The following CNBD1 variants were observed in gnomAD, a reference collection of about 807,000 sequenced individuals.
The protein encoded by CNBD1 is cyclic nucleotide-binding domain-containing protein 1.
Under a neutral mutation model 54.4 loss-of-function variants are expected in CNBD1, and 71 were observed. The ratio of observed to expected loss-of-function variants is 1.30; its 90% CI spans 1.08 to 1.59. The LOEUF is 1.59. CNBD1 is among the 40% of genes most tolerant of loss of function. The pLI is 0.00. For missense variants in CNBD1, 659 were observed against 518.0 expected (o/e 1.27, Z -2.64); for synonymous variants, 182 against 170.7 (o/e 1.07, Z -0.51).
chr8:87,403,603 G>T (rs1281322806), intron 2 of CNBD1, among the ~76,000 whole-genome samples: 1 of 151,904 alleles, frequency 6.6e-6, no homozygotes, highest in East Asian at 1.9e-4. Flanking sequence ...TATATAAAAT[G>T]TGGCTTAATC....
At chr8:87,030,542 C>CT (rs1468957171) in intron 4 of CNBD1, among the ~76,000 whole-genome samples, 5 of 152,054 alleles carry the variant, frequency 3.3e-5, no homozygotes, top group East Asian at 1.9e-4. Flanking sequence ...TCCTTTTGCT[C>CT]TTTTTTTAAT....
At chr8:87,169,611 C>A (rs555324686) in intron 4 of CNBD1, among the ~76,000 whole-genome samples, 1 of 152,180 alleles carries the variant, frequency 6.6e-6, no homozygotes, top group Admixed American at 6.6e-5. Flanking sequence ...AGTCTAATTT[C>A]ATTTTTCTGC....
chr8:87,259,875 A>G (rs1192916734), intron 6 of CNBD1, among the ~76,000 whole-genome samples: 1 of 152,164 alleles, frequency 6.6e-6, no homozygotes, highest in Non-Finnish European at 1.5e-5. Flanking sequence ...TTTAAAATTT[A>G]GTATTACCTG....
intron 2 of CNBD1, among the ~76,000 whole-genome samples, chr8:86,893,967 T>G (rs2131796307): frequency 6.6e-6 from 1 of 150,986 alleles, no homozygotes; most frequent in Non-Finnish European, 1.5e-5. Flanking sequence ...CTCAAATCTC[T>G]TCTCATCTTA....
intron 4 of CNBD1, among the ~76,000 whole-genome samples, chr8:87,015,507 CA>C (rs1247928122): frequency 6.6e-6 from 1 of 151,904 alleles, no homozygotes; most frequent in African/African-American, 2.4e-5. Context: ...ATTTTTAATG[CA>C]AAAAGTTTTT....
At chr8:87,017,661 G>T (rs1165269624) in intron 4 of CNBD1, among the ~76,000 whole-genome samples, 1 of 152,168 alleles carries the variant, frequency 6.6e-6, no homozygotes, top group African/African-American at 2.4e-5. Flanking sequence ...TGTTTGGTCT[G>T]TAAATGGCAT....
intron 4 of CNBD1, among the ~76,000 whole-genome samples, chr8:87,098,606 A>G (rs895896821): frequency 3.9e-5 from 6 of 152,116 alleles, no homozygotes; most frequent in African/African-American, 1.4e-4. Context: ...AATACATATT[A>G]GGAGTTTGGA....
chr8:87,353,552 ATGAG>A, intron 9 of CNBD1, 80 bp from the exon 10 acceptor site: 4 of 862,134 alleles, frequency 4.6e-6, no homozygotes, highest in Non-Finnish European at 7.2e-6. Flanking sequence ...AAAATGGTTT[ATGAG>A]TGAGTTTCTG....
chr8:87,141,270 T>A (rs558055606), intron 4 of CNBD1, among the ~76,000 whole-genome samples: 1 of 152,300 alleles, frequency 6.6e-6, no homozygotes, highest in South Asian at 2.1e-4. Context: ...TTTCCAGTGA[T>A]ATGATGTAGA....
chr8:87,020,686 A>G (rs1198902389), intron 4 of CNBD1, among the ~76,000 whole-genome samples: 1 of 152,184 alleles, frequency 6.6e-6, no homozygotes, highest in Non-Finnish European at 1.5e-5. Flanking sequence ...AAAAATGTTT[A>G]ACCCCAAAAT....
At chr8:87,349,942 C>T (rs1293242421) in intron 8 of CNBD1, among the ~76,000 whole-genome samples, 1 of 152,168 alleles carries the variant, frequency 6.6e-6, no homozygotes, top group East Asian at 1.9e-4. Context: ...ATATACTTCT[C>T]TGTGACCTAC....
At chr8:87,169,747 A>ACTGTTACATTGGT (rs1813047239) in intron 4 of CNBD1, among the ~76,000 whole-genome samples, 2 of 151,914 alleles carry the variant, frequency 1.3e-5, no homozygotes, top group Admixed American at 6.6e-5. Context: ...TGGGTTCTCT[A>ACTGTTACATTGGT]CTGTTACATT....
chr8:87,180,780 C>G (rs1186107216), intron 4 of CNBD1, among the ~76,000 whole-genome samples: 1 of 152,150 alleles, frequency 6.6e-6, no homozygotes, highest in African/African-American at 2.4e-5. Context: ...GACTCTCAGG[C>G]AGTCCATATT....
intron 4 of CNBD1, among the ~76,000 whole-genome samples, chr8:86,978,834 G>T (rs1357203382): frequency 1.3e-5 from 2 of 151,868 alleles, no homozygotes. Context: ...ATCTCCAGCT[G>T]GACATGCTTT....
chr8:87,382,541 G>T (rs547954818), intron 10 of CNBD1, 79 bp from the exon 11 acceptor site: 11 of 1,140,008 alleles, frequency 9.6e-6, no homozygotes, highest in African/African-American at 1.5e-5. Flanking sequence ...TAATTTTAGG[G>T]TTCTATTCTG....
intron 4 of CNBD1, among the ~76,000 whole-genome samples, chr8:87,158,174 A>T (rs1812784263): frequency 6.6e-6 from 1 of 152,090 alleles, no homozygotes; most frequent in South Asian, 2.1e-4. Flanking sequence ...GAGTCCAACT[A>T]CCTGGGATAA....
At chr8:87,132,709 A>T (rs1812144077) in intron 4 of CNBD1, among the ~76,000 whole-genome samples, 1 of 147,576 alleles carries the variant, frequency 6.8e-6, no homozygotes, top group South Asian at 2.1e-4. Flanking sequence ...TTTCATTTAT[A>T]TATATTTGCA....
intron 2 of CNBD1, among the ~76,000 whole-genome samples, chr8:87,398,032 A>C (rs1457226705): frequency 6.6e-6 from 1 of 151,722 alleles, no homozygotes; most frequent in African/African-American, 2.4e-5. Flanking sequence ...TTCATTTGTA[A>C]ATTGCTCAGT....
chr8:87,265,533 G>C (rs959291804), intron 6 of CNBD1, among the ~76,000 whole-genome samples: 3 of 152,094 alleles, frequency 2.0e-5, no homozygotes, highest in African/African-American at 7.2e-5. Context: ...AAGATAATGG[G>C]ATAATAATTT....
Sources: gnomAD v4.1 joint callset for allele counts (sites outside exome capture counted in the v4.1 genomes callset) on GRCh38, gnomAD v4.1.1 for gene constraint, MANE v1.5 for transcripts, NCBI Gene and HGNC (gene_info 2026-07-23, HGNC 2026-07-21) for gene names.